ANO4: variants seen among roughly 807,000 people sequenced by gnomAD.
ANO4 encodes the protein anoctamin-4.
Under a neutral mutation model 141.9 loss-of-function variants are expected in ANO4, and 69 were observed. The ratio of observed to expected loss-of-function variants is 0.49; its 90% CI spans 0.40 to 0.59. The LOEUF is 0.59. Among genes scored for constraint, ANO4 ranks in the 20% least tolerant of loss-of-function variants. The pLI, the probability that ANO4 is intolerant of heterozygous loss-of-function variation, is 0.00. For synonymous variants in ANO4, 350 were observed against 394.3 expected (o/e 0.89, Z 1.33); for missense variants, 894 against 1,162.2 (o/e 0.77, Z 3.36).
intron 9 of ANO4, among the ~76,000 whole-genome samples, chr12:101,029,016 G>A (rs2046855872): frequency 6.6e-6 from 1 of 152,150 alleles, no homozygotes. Context: ...AAGAGATTGG[G>A]GGCCAGTATT....
intron 1 of ANO4, among the ~76,000 whole-genome samples, chr12:100,803,452 G>A (rs935958190): frequency 6.6e-6 from 1 of 152,136 alleles, no homozygotes; most frequent in Non-Finnish European, 1.5e-5. Context: ...TGGAAATGGT[G>A]CCTCGAGATA....
intron 14 of ANO4, chr12:101,067,025 C>T (rs941783451): frequency 1.9e-6 from 1 of 531,736 alleles, no homozygotes; most frequent in African/African-American, 2.1e-5. Flanking sequence ...AAAGAAAGAA[C>T]AGACCATGCT....
At chr12:101,010,802 A>G in intron 8 of ANO4, among the ~76,000 whole-genome samples, 1 of 152,242 alleles carries the variant, frequency 6.6e-6, no homozygotes, top group African/African-American at 2.4e-5. Context: ...ACAACTTTAA[A>G]CATCAGAAAA....
chr12:100,752,200 G>C (rs980052980), intron 3 of ANO4, among the ~76,000 whole-genome samples: 1 of 152,012 alleles, frequency 6.6e-6, no homozygotes, highest in African/African-American at 2.4e-5. Flanking sequence ...CATATTTCCT[G>C]TGCTGGGCTT....
At chr12:100,992,711 C>G (rs2045196200) in intron 8 of ANO4, among the ~76,000 whole-genome samples, 1 of 152,220 alleles carries the variant, frequency 6.6e-6, no homozygotes, top group South Asian at 2.1e-4. Context: ...TAGGCCATAT[C>G]TGTTTTTGCC....
intron 8 of ANO4, among the ~76,000 whole-genome samples, chr12:101,013,406 A>T (rs1397853798): frequency 2.0e-5 from 3 of 152,174 alleles, no homozygotes; most frequent in Admixed American, 6.5e-5. Context: ...ACCCAAGGAC[A>T]CACAACTAAA....
At chr12:100,771,224 C>A (rs1376547711) in intron 3 of ANO4, among the ~76,000 whole-genome samples, 1 of 152,062 alleles carries the variant, frequency 6.6e-6, no homozygotes, top group Non-Finnish European at 1.5e-5. Flanking sequence ...CAGACCTGTT[C>A]ATCAGAGCTC....
At chr12:100,744,249 C>T (rs777148075) in intron 3 of ANO4, among the ~76,000 whole-genome samples, 9 of 152,158 alleles carry the variant, frequency 5.9e-5, no homozygotes, top group Non-Finnish European at 1.3e-4. Flanking sequence ...TTAATGCTGG[C>T]ATAGTCTCAT....
intron 7 of ANO4, among the ~76,000 whole-genome samples, chr12:100,977,143 A>G (rs1381948708): frequency 6.6e-6 from 1 of 152,176 alleles, no homozygotes; most frequent in African/African-American, 2.4e-5. Context: ...ATTAATACTT[A>G]TTACATGTAA....
intron 5 of ANO4, among the ~76,000 whole-genome samples, chr12:100,960,932 T>C (rs773987893): frequency 6.6e-6 from 1 of 152,182 alleles, no homozygotes; most frequent in Non-Finnish European, 1.5e-5. Flanking sequence ...ACGTTTGGAA[T>C]TTTATAGATC....
Position 100,926,822 on chromosome 12 carries a change from G to C in ANO4, c.160+4492G>C, listed in dbSNP as rs146631812. Among the ~76,000 whole-genome samples, 60 of 152,154 alleles carry C rather than the reference G, an allele frequency of 3.9e-4. No homozygotes were observed. In the East Asian group the frequency reaches 8.9e-3, roughly 23 times the overall value. On this transcript the variant is annotated intron_variant, in intron 3 of 27. Coordinates refer to ENST00000392977, the MANE Select transcript of ANO4 (RefSeq NM_001286615.2). ...GCTTGTATGGAAGAAGAAATTGCAAGAGAGATGCCCTGTAGAGGGAGCCAG... is the reference window on the plus strand; with the variant it reads ...GCTTGTATGGAAGAAGAAATTGCAACAGAGATGCCCTGTAGAGGGAGCCAG...
chr12:101,110,843 CTT>C (rs1381038281), intron 23 of ANO4, among the ~76,000 whole-genome samples: 1 of 152,152 alleles, frequency 6.6e-6, no homozygotes, highest in Non-Finnish European at 1.5e-5. Context: ...TTTATTATCA[CTT>C]ATATCCTTTT....
chr12:100,844,241 G>C (rs1051792695), intron 1 of ANO4, among the ~76,000 whole-genome samples: 1 of 152,052 alleles, frequency 6.6e-6, no homozygotes, highest in Non-Finnish European at 1.5e-5. Context: ...GGGAGGAAAT[G>C]AGATACTTAG....
rs1250529425 is a variant in ANO4 at position 101,020,118 on chromosome 12, T to C, written c.819T>C (p.Tyr273=). Reference sequence around the variant, plus strand: ...ATCACATTTTACAAAGAATAAAATATGAAGAAGGAAAAAACAAGATTGGTA... The same window carrying C: ...ATCACATTTTACAAAGAATAAAATACGAAGAAGGAAAAAACAAGATTGGTA... The part of the protein sequence containing the change: ...IVHHILQRIK[Y]EEGKNKIGLN... The change falls in exon 9 of 28, where the codon TAT becomes TAC. Residue 273 remains tyrosine, a synonymous_variant. Transcript: ENST00000392977. 3 of 1,610,884 alleles carry C rather than the reference T, an allele frequency of 1.9e-6. No individual in the cohort carries two copies. Among genetic ancestry groups the C allele is most frequent in the Non-Finnish European group, 8.5e-7 (1 of 1,177,654 alleles).
chr12:100,836,854 T>C (rs571547426), intron 1 of ANO4, among the ~76,000 whole-genome samples: 15 of 152,174 alleles, frequency 9.9e-5, no homozygotes, highest in Admixed American at 4.6e-4. Flanking sequence ...AGGAGAGATA[T>C]GTGATATTCC....
chr12:100,829,913 C>T (rs950304848), intron 1 of ANO4, among the ~76,000 whole-genome samples: 1 of 152,074 alleles, frequency 6.6e-6, no homozygotes, highest in Admixed American at 6.6e-5. Flanking sequence ...TCAGAGGTCA[C>T]GTGTTCACAG....
intron 11 of ANO4, 133 bp from the exon 12 acceptor site, chr12:101,042,201 C>T (rs1349695046): frequency 1.8e-6 from 2 of 1,119,166 alleles, no homozygotes; most frequent in Admixed American, 2.6e-5. Flanking sequence ...ATGGGATGTT[C>T]TTTTATCTTG....
chr12:101,092,234 AG>A (rs1163871423), intron 17 of ANO4, among the ~76,000 whole-genome samples: 2 of 152,126 alleles, frequency 1.3e-5, no homozygotes, highest in Non-Finnish European at 2.9e-5. Flanking sequence ...AAAAAAAAAA[AG>A]TAAAAGTACA....
intron 5 of ANO4, among the ~76,000 whole-genome samples, chr12:100,960,049 A>G (rs1176670984): frequency 6.6e-6 from 1 of 152,102 alleles, no homozygotes; most frequent in East Asian, 1.9e-4. Context: ...GCAGGGAAAC[A>G]CAAATCACAC....
Sources: gnomAD v4.1 joint callset for allele counts (sites outside exome capture counted in the v4.1 genomes callset) on GRCh38, gnomAD v4.1.1 for gene constraint, MANE v1.5 for transcripts, NCBI Gene and HGNC (gene_info 2026-07-23, HGNC 2026-07-21) for gene names.